Variants in TRPM6 observed in about 807,000 individuals in gnomAD.
TRPM6 encodes transient receptor potential cation channel subfamily M member 6.
Under a neutral mutation model 247.6 loss-of-function variants are expected in TRPM6, and 111 were observed. The ratio of observed to expected loss-of-function variants is 0.45; its 90% confidence interval spans 0.38 to 0.52. TRPM6 has a LOEUF of 0.52. TRPM6 is among the 20% of genes least tolerant of loss of function. The pLI is 0.00. For missense variants in TRPM6, 2,126 were observed against 2,421.5 expected (o/e 0.88, Z 2.56); for synonymous variants, 892 against 853.8 (o/e 1.04, Z -0.78).
At position 74,797,346 on chromosome 9, in the gene TRPM6, G is replaced by A. The variant is rs561560738; in HGVS notation, c.2239-453C>T. Among the ~76,000 whole-genome samples the A allele has an allele frequency of 2.6e-4, 39 of 152,178 alleles. No individual in the cohort carries two copies. In the South Asian group the frequency reaches 4.8e-3, roughly 19 times the overall value. Reference sequence around the variant, plus strand: ...TGGAGCCAGGACACCCCTGACCCCCGACCCCAAGGATACCAAAATCTGAGG... The same window carrying A: ...TGGAGCCAGGACACCCCTGACCCCCAACCCCAAGGATACCAAAATCTGAGG... On this transcript the variant is annotated intron_variant, in intron 17 of 38. Coordinates refer to ENST00000360774, the MANE Select transcript of TRPM6 (RefSeq NM_017662.5).
At chr9:74,874,732 C>G (rs1402675100) in intron 1 of TRPM6, among the ~76,000 whole-genome samples, 5 of 150,786 alleles carry the variant, frequency 3.3e-5, no homozygotes, top group African/African-American at 1.2e-4. Flanking sequence ...ATGTGTCACT[C>G]AAATGCTCAT....
At chr9:74,851,392 A>G (rs1283312159) in intron 3 of TRPM6, among the ~76,000 whole-genome samples, 1 of 152,150 alleles carries the variant, frequency 6.6e-6, no homozygotes. Flanking sequence ...TAAATTTAAA[A>G]AGAAAAAAAA....
intron 7 of TRPM6, chr9:74,827,197 C>CCA (rs1829367192): frequency 6.5e-6 from 1 of 153,152 alleles, no homozygotes; most frequent in African/African-American, 2.4e-5. Flanking sequence ...ACCCCCCTTC[C>CCA]CACATGGGTA....
intron 6 of TRPM6, among the ~76,000 whole-genome samples, chr9:74,828,600 G>A (rs1008950603): frequency 6.6e-6 from 1 of 151,636 alleles, no homozygotes; most frequent in Non-Finnish European, 1.5e-5. Flanking sequence ...ATTGCTGGCA[G>A]TGGTTCTAAA....
chr9:74,795,715 T>G (rs749088122), intron 18 of TRPM6, among the ~76,000 whole-genome samples: 43 of 152,204 alleles, frequency 2.8e-4, no homozygotes. Flanking sequence ...TGTAATTTAG[T>G]CCTAAGAAAA....
Position 74,738,619 on chromosome 9 carries a change from G to C in TRPM6, c.5571-7C>G, listed in dbSNP as rs765796477. On this transcript the variant is annotated splice_region_variant and splice_polypyrimidine_tract_variant and intron_variant, in intron 35 of 38. Coordinates refer to ENST00000360774, the MANE Select transcript of TRPM6 (RefSeq NM_017662.5). Reference sequence around the variant, plus strand: ...TAAGAAAACTTCCAGGAACCTGTTAGGGAAAAAGAGGCCATTGATCCCCCA... The same window carrying C: ...TAAGAAAACTTCCAGGAACCTGTTACGGAAAAAGAGGCCATTGATCCCCCA... The C allele has an allele frequency of 8.1e-6, 13 of 1,613,366 alleles. No individual in the cohort carries two copies. In the East Asian group the frequency reaches 2.9e-4, roughly 36 times the overall value.
Position 74,834,456 on chromosome 9 carries a change from C to CTTATTATTATTA in TRPM6, c.545-346_545-335dup, listed in dbSNP as rs113274138. Among the ~76,000 whole-genome samples the CTTATTATTATTA allele has an allele frequency of 4.5e-3, 668 of 150,086 alleles. 2 individuals carry two copies. Among genetic ancestry groups the CTTATTATTATTA allele is most frequent in the African/African-American group, 0.015 (603 of 40,658 alleles). On this transcript the variant is annotated intron_variant, in intron 5 of 38. Transcript: ENST00000360774. ...AAGCCCAGCCCTAACATTATGAATG[C>CTTATTATTATTA]TTATTATTATTATTATTATTATTAT... is the stretch of plus-strand genomic sequence containing the variant.
At chr9:74,770,327 C>T (rs1826988508) in intron 25 of TRPM6, among the ~76,000 whole-genome samples, 1 of 152,130 alleles carries the variant, frequency 6.6e-6, no homozygotes, top group Non-Finnish European at 1.5e-5. Flanking sequence ...TAGTCAGTTC[C>T]ATATATGTTC....
At chr9:74,763,266 C>T (rs1025827090) in intron 25 of TRPM6, 132 bp from the exon 26 acceptor site, 1 of 869,180 alleles carries the variant, frequency 1.2e-6, no homozygotes, top group Non-Finnish European at 1.9e-6. Flanking sequence ...CTGTCTTTTG[C>T]CTTCTTCTTC....
chr9:74,876,641 C>T (rs1185714589), intron 1 of TRPM6, among the ~76,000 whole-genome samples: 1 of 152,166 alleles, frequency 6.6e-6, no homozygotes, highest in Non-Finnish European at 1.5e-5. Context: ...CTATCGCTTA[C>T]CCACAACACT....
chr9:74,744,863 A>G (rs1825981574), intron 31 of TRPM6, among the ~76,000 whole-genome samples: 1 of 152,238 alleles, frequency 6.6e-6, no homozygotes, highest in African/African-American at 2.4e-5. Flanking sequence ...AATGAGCCCA[A>G]TTTCGCAGAT....
chr9:74,829,399 C>T (rs1451962956), intron 6 of TRPM6, among the ~76,000 whole-genome samples: 1 of 152,178 alleles, frequency 6.6e-6, no homozygotes, highest in African/African-American at 2.4e-5. Flanking sequence ...TTTTCTTAAG[C>T]TGCTCCACTT....
chr9:74,837,588 A>G (rs1183720839), intron 5 of TRPM6, among the ~76,000 whole-genome samples: 1 of 151,688 alleles, frequency 6.6e-6, no homozygotes, highest in African/African-American at 2.4e-5. Context: ...CTGGGACTAC[A>G]GGCGCCCGCC....
chr9:74,812,052 C>A (rs773681705), intron 12 of TRPM6, among the ~76,000 whole-genome samples: 3 of 152,104 alleles, frequency 2.0e-5, no homozygotes, highest in Non-Finnish European at 4.4e-5. Flanking sequence ...CATTTTGGTG[C>A]CTTCATGTCA....
rs771045098 is a variant in TRPM6, at chr9:74,762,095, A to G, written c.4576T>C (p.Trp1526Arg). 14 of 1,614,092 alleles carry G rather than the reference A, an allele frequency of 8.7e-6. No homozygotes were observed. The Admixed American group carries it at 2.3e-4, about 27-fold the overall frequency. ...CTGTATCTGCGGAGAGGATTGATCC[A>G]AAAGGATGTGTTTGGCTGAAGCCAT... ...GPWLQPNTSF[W>R]INPLRRYRPF... Residue 1526 changes from tryptophan (W) to arginine (R), a missense_variant, in exon 26 of 39, where the codon TGG becomes CGG. Physicochemically the swap from Trp to Arg is moderately radical, Grantham distance 101. Around this residue, in one of 3 missense-constraint regions of TRPM6, gnomAD observed 717 missense variants for 715.9 expected, o/e 1.00. Transcript: ENST00000360774.
intron 5 of TRPM6, among the ~76,000 whole-genome samples, chr9:74,834,975 T>C (rs1013065080): frequency 4.6e-5 from 7 of 152,292 alleles, no homozygotes; most frequent in African/African-American, 1.7e-4. Context: ...CTGGGTCAAA[T>C]GGTATTTCCA....
chr9:74,834,188 G>A (rs866406320), intron 5 of TRPM6, 66 bp from the exon 6 acceptor site: 23 of 1,596,506 alleles, frequency 1.4e-5, no homozygotes, highest in Middle Eastern at 3.3e-4. Context: ...GAGACTGCCA[G>A]AAACAGACAA....
intron 37 of TRPM6, 106 bp from the exon 38 acceptor site, chr9:74,728,451 G>A (rs1379331043): frequency 1.2e-6 from 1 of 812,240 alleles, no homozygotes; most frequent in Non-Finnish European, 2.1e-6. Flanking sequence ...CAGTAAACTT[G>A]AAGGAGCCAA....
At chr9:74,803,293 T>C (rs1390662862) in intron 15 of TRPM6, among the ~76,000 whole-genome samples, 4 of 133,600 alleles carry the variant, frequency 3.0e-5, no homozygotes, top group Non-Finnish European at 6.4e-5. Flanking sequence ...ATAACAATGT[T>C]GTACACACAC....
Sources: gnomAD v4.1 joint callset for allele counts (sites outside exome capture counted in the v4.1 genomes callset) on GRCh38, gnomAD v4.1.1 for gene constraint, gnomAD v4.1.1 regional missense constraint, MANE v1.5 for transcripts, NCBI Gene and HGNC (gene_info 2026-07-23, HGNC 2026-07-21) for gene names.